The following CNBD1 variants were observed in gnomAD, a reference collection of about 807,000 sequenced individuals.
CNBD1 encodes cyclic nucleotide-binding domain-containing protein 1.
Under a neutral mutation model 54.4 loss-of-function variants are expected in CNBD1, and 71 were observed. The observed-to-expected ratio is 1.30, with a 90% CI of 1.08 to 1.59. The LOEUF (loss-of-function observed/expected upper bound fraction) is 1.59, where lower values mean the gene tolerates loss of function less well. CNBD1 is among the 40% of genes most tolerant of loss of function. The pLI is 0.00. For missense variants in CNBD1, 659 were observed against 518.0 expected (o/e 1.27, Z -2.64); for synonymous variants, 182 against 170.7 (o/e 1.07, Z -0.51).
At chr8:87,321,916 T>C (rs930235269) in intron 8 of CNBD1, among the ~76,000 whole-genome samples, 48 of 149,690 alleles carry the variant, frequency 3.2e-4, no homozygotes, top group African/African-American at 9.8e-4. Context: ...CCTCGTCATC[T>C]AGCCTTAGGT....
chr8:87,260,969 A>G (rs769803358), intron 6 of CNBD1, among the ~76,000 whole-genome samples: 1 of 152,094 alleles, frequency 6.6e-6, no homozygotes, highest in Non-Finnish European at 1.5e-5. Context: ...TAAGCATGCA[A>G]GAAAAATGAC....
At chr8:86,874,824 G>A (rs901710890) in intron 1 of CNBD1, among the ~76,000 whole-genome samples, 3 of 151,200 alleles carry the variant, frequency 2.0e-5, no homozygotes, top group Non-Finnish European at 4.4e-5. Context: ...TCTTATCCCT[G>A]GAATCAGACA....
chr8:87,030,415 T>A (rs1310917115), intron 4 of CNBD1, among the ~76,000 whole-genome samples: 2 of 152,230 alleles, frequency 1.3e-5, no homozygotes, highest in African/African-American at 4.8e-5. Flanking sequence ...TTTATAGATT[T>A]TTCCTACTTT....
intron 4 of CNBD1, among the ~76,000 whole-genome samples, chr8:87,038,839 ATAATTTTCTCACTGTT>A (rs1256606581): frequency 6.6e-6 from 1 of 152,220 alleles, no homozygotes; most frequent in African/African-American, 2.4e-5. Context: ...TTTCAGTATC[ATAATTTTCTCACTGTT>A]GTAATTTTTG....
At chr8:87,034,944 AT>A (rs1025076123) in intron 4 of CNBD1, among the ~76,000 whole-genome samples, 21 of 151,874 alleles carry the variant, frequency 1.4e-4, no homozygotes, top group Admixed American at 8.5e-4. Context: ...TCTCTGGATA[AT>A]TTTTTTTCTG....
chr8:87,420,709 G>C (rs1161622297), intron 2 of CNBD1, among the ~76,000 whole-genome samples: 1 of 150,760 alleles, frequency 6.6e-6, no homozygotes, highest in Non-Finnish European at 1.5e-5. Context: ...AGGCACAACT[G>C]ATTCCTAATT....
At chr8:87,341,182 C>T (rs1309812493) in intron 8 of CNBD1, among the ~76,000 whole-genome samples, 2 of 152,040 alleles carry the variant, frequency 1.3e-5, no homozygotes, top group African/African-American at 2.4e-5. Context: ...GCACTCATAA[C>T]CTCTTGCTCT....
chr8:87,007,397 C>T (rs552020370), intron 4 of CNBD1, among the ~76,000 whole-genome samples: 1 of 151,578 alleles, frequency 6.6e-6, no homozygotes, highest in Admixed American at 6.6e-5. Flanking sequence ...CTTGTGCATA[C>T]CTTTGTATTA....
At chr8:87,412,082 T>C (rs909859309) in intron 2 of CNBD1, among the ~76,000 whole-genome samples, 8 of 152,078 alleles carry the variant, frequency 5.3e-5, no homozygotes, top group Admixed American at 1.3e-4. Context: ...ATCTCAGATT[T>C]ATAATGCTAA....
At chr8:86,874,425 G>T (rs1218842546) in intron 1 of CNBD1, among the ~76,000 whole-genome samples, 1 of 152,110 alleles carries the variant, frequency 6.6e-6, no homozygotes, top group Non-Finnish European at 1.5e-5. Context: ...GGGGCCATAT[G>T]ATCTCAGTTT....
intron 10 of CNBD1, among the ~76,000 whole-genome samples, chr8:87,378,522 T>G: frequency 6.6e-6 from 1 of 151,066 alleles, no homozygotes; most frequent in Non-Finnish European, 1.5e-5. Context: ...TATCTCTGTT[T>G]TGGTACCAGT....
At chr8:87,271,299 T>G (rs1338589079) in intron 6 of CNBD1, among the ~76,000 whole-genome samples, 1 of 151,930 alleles carries the variant, frequency 6.6e-6, no homozygotes, top group African/African-American at 2.4e-5. Flanking sequence ...GTTATTTCCT[T>G]TCTTGCTTGC....
At chr8:87,345,251 A>G (rs1810146073) in intron 8 of CNBD1, among the ~76,000 whole-genome samples, 1 of 152,222 alleles carries the variant, frequency 6.6e-6, no homozygotes, top group African/African-American at 2.4e-5. Flanking sequence ...GATTCAACAT[A>G]GTGCTAGAAA....
At chr8:87,279,896 T>G (rs945131137) in intron 6 of CNBD1, among the ~76,000 whole-genome samples, 14 of 151,192 alleles carry the variant, frequency 9.3e-5, no homozygotes, top group African/African-American at 3.4e-4. Flanking sequence ...AAAGAGAAAT[T>G]TATTGGCTAC....
At chr8:87,261,079 T>C (rs185212068) in intron 6 of CNBD1, among the ~76,000 whole-genome samples, 114 of 152,254 alleles carry the variant, frequency 7.5e-4, no homozygotes, top group African/African-American at 2.2e-3. Context: ...TCTGACCCAG[T>C]CAGAGGTAAG....
intron 3 of CNBD1, among the ~76,000 whole-genome samples, chr8:86,937,281 T>C (rs1809565804): frequency 6.6e-6 from 1 of 152,124 alleles, no homozygotes; most frequent in Non-Finnish European, 1.5e-5. Context: ...ATGATTCAGA[T>C]ACCTCCCACT....
chr8:87,307,498 G>C (rs571872358), intron 8 of CNBD1, among the ~76,000 whole-genome samples: 1 of 152,168 alleles, frequency 6.6e-6, no homozygotes, highest in Non-Finnish European at 1.5e-5. Context: ...AGCATGTTTG[G>C]AGGCTGAGGC....
Position 87,030,919 on chromosome 8 carries a change from C to T in CNBD1, c.431+91165C>T, listed in dbSNP as rs1472996480. On this transcript the variant is annotated intron_variant, in intron 4 of 10. Transcript: ENST00000518476. Reference sequence around the variant, plus strand: ...TCTCCTCCCCACCTCCTCCTCCCCCCCTCCTCCTGCCCCCCTTCCCCCTCC... The same window carrying T: ...TCTCCTCCCCACCTCCTCCTCCCCCTCTCCTCCTGCCCCCCTTCCCCCTCC... 9.7e-5 allele frequency among the ~76,000 whole-genome samples: 10 copies of T among 102,932 alleles called. 1 individual carries two copies. The highest frequency in any genetic ancestry group is 3.6e-4 in the African/African-American group (9 of 25,074). 67.5% of individuals were successfully genotyped at this position (102,932 alleles called of 152,430 possible).
chr8:86,980,645 GT>G (rs1808466646), intron 4 of CNBD1, among the ~76,000 whole-genome samples: 2 of 152,108 alleles, frequency 1.3e-5, no homozygotes, highest in Non-Finnish European at 2.9e-5. Context: ...ACTTTGCCGT[GT>G]TTTAGGAAGC....
Sources: allele counts gnomAD v4.1 joint callset (sites outside exome capture counted in the v4.1 genomes callset), GRCh38; gene constraint gnomAD v4.1.1; transcripts MANE v1.5; gene names NCBI Gene and HGNC (gene_info 2026-07-23, HGNC 2026-07-21).